Variants in TRIQK observed in about 807,000 individuals in gnomAD.
The protein encoded by TRIQK is triple QxxK/R motif containing, also known as triple QxxK/R motif-containing protein.
TRIQK carries 10 observed loss-of-function variants against 10.8 expected under a neutral mutation model. The observed-to-expected ratio is 0.92, with a 90% CI of 0.57 to 1.57. The LOEUF (loss-of-function observed/expected upper bound fraction) is 1.57, where lower values mean the gene tolerates loss of function less well. Among genes scored for constraint, TRIQK ranks in the 40% most tolerant of loss-of-function variants. The probability of loss-of-function intolerance (pLI) is 0.00; values close to 1 mark genes in which losing one functional copy is unlikely to be tolerated. For missense variants in TRIQK, 107 were observed against 97.7 expected, an observed-to-expected ratio of 1.09 and a Z score of -0.40; for synonymous variants, 33 against 33.7, an observed-to-expected ratio of 0.98 and a Z score of 0.07.
chr8:92,986,977 G>A (rs1813039711), intron 1 of TRIQK, among the ~76,000 whole-genome samples: 1 of 152,128 alleles, frequency 6.6e-6, no homozygotes, highest in African/African-American at 2.4e-5. Context: ...CCAAGTAACA[G>A]ACCTGTTTCC....
intron 2 of TRIQK, among the ~76,000 whole-genome samples, chr8:92,952,215 C>T (rs1462690091): frequency 6.6e-6 from 1 of 151,856 alleles, no homozygotes; most frequent in Non-Finnish European, 1.5e-5. Context: ...AAGTAGACAC[C>T]ATGCAACAAC....
intron 1 of TRIQK, among the ~76,000 whole-genome samples, chr8:92,977,701 C>T (rs1812947467): frequency 6.6e-6 from 1 of 152,024 alleles, no homozygotes; most frequent in African/African-American, 2.4e-5. Context: ...TGTTTTCACA[C>T]CTGGGCATTT....
intron 1 of TRIQK, among the ~76,000 whole-genome samples, chr8:92,998,797 C>CAAATAAGA (rs1326147423): frequency 6.6e-6 from 1 of 152,062 alleles, no homozygotes; most frequent in East Asian, 1.9e-4. Context: ...TGAAGTCAGA[C>CAAATAAGA]AAATAAGACA....
intron 1 of TRIQK, among the ~76,000 whole-genome samples, chr8:92,964,513 C>G (rs1245201269): frequency 6.9e-6 from 1 of 145,736 alleles, no homozygotes; most frequent in Non-Finnish European, 1.5e-5. Flanking sequence ...AGGTGTCATT[C>G]AAGACATTAC....
chr8:92,952,772 T>C (rs1023681453), intron 2 of TRIQK, among the ~76,000 whole-genome samples: 2 of 152,052 alleles, frequency 1.3e-5, no homozygotes, highest in African/African-American at 2.4e-5. Context: ...CCTTTCCCTC[T>C]GGATAGAAGG....
intron 4 of TRIQK, among the ~76,000 whole-genome samples, chr8:92,887,595 C>T (rs1816555852): frequency 6.6e-6 from 1 of 151,304 alleles, no homozygotes; most frequent in African/African-American, 2.4e-5. Context: ...AAATAGAATG[C>T]CAGTTCAGTA....
intron 2 of TRIQK, among the ~76,000 whole-genome samples, chr8:92,924,999 A>G (rs1296292023): frequency 6.6e-6 from 1 of 152,090 alleles, no homozygotes; most frequent in Non-Finnish European, 1.5e-5. Flanking sequence ...GATTTCTAAA[A>G]TCCTGATCAC....
At chr8:92,911,888 T>C (rs983155598) in intron 3 of TRIQK, among the ~76,000 whole-genome samples, 1 of 141,782 alleles carries the variant, frequency 7.1e-6, no homozygotes, top group Admixed American at 7.1e-5. Flanking sequence ...TATATATGTA[T>C]ATGTGTGTGT....
chr8:92,982,644 T>C (rs1275380860), intron 1 of TRIQK, among the ~76,000 whole-genome samples: 1 of 152,048 alleles, frequency 6.6e-6, no homozygotes, highest in African/African-American at 2.4e-5. Flanking sequence ...AATGGTTGAA[T>C]AGATTAAGAA....
In TRIQK at chr8:92,943,836, C is replaced by T. The variant is rs368057006; in HGVS notation, c.-22+10570G>A. Among the ~76,000 whole-genome samples, 36 of 152,022 alleles carry T rather than the reference C, an allele frequency of 2.4e-4. No homozygotes were observed. The South Asian group carries it at 2.5e-3, about 11-fold the overall frequency. On this transcript the variant is annotated intron_variant, in intron 2 of 4. Coordinates refer to ENST00000521988, the MANE Select transcript of TRIQK (RefSeq NM_001171797.2). ...ACAGGCAACAAAAGCAAAAAATAGA[C>T]GAATGGGATTCTGCTAGAAGCTTTT...
At chr8:92,936,578 A>G (rs556210469) in intron 2 of TRIQK, among the ~76,000 whole-genome samples, 1 of 151,864 alleles carries the variant, frequency 6.6e-6, no homozygotes, top group South Asian at 2.1e-4. Flanking sequence ...TATCCTAAAT[A>G]GAGAAAAATT....
chr8:92,936,923 T>A (rs1418283247), intron 2 of TRIQK, among the ~76,000 whole-genome samples: 1 of 151,828 alleles, frequency 6.6e-6, no homozygotes, highest in Non-Finnish European at 1.5e-5. Flanking sequence ...CTTATTGAAC[T>A]GTTATAGGAG....
In TRIQK at chr8:92,885,132, A is replaced by G. The variant is rs995594215; in HGVS notation, c.*1490T>C. On this transcript the variant is annotated 3_prime_UTR_variant, in exon 5 of 5. Transcript: ENST00000521988. ...TTTTGCCCTCAGATGTTTGGCATAAATGATTTGTGAGGATATTGGAACCTT... is the reference window on the plus strand; with the variant it reads ...TTTTGCCCTCAGATGTTTGGCATAAGTGATTTGTGAGGATATTGGAACCTT... 2 of 408,674 alleles carry G rather than the reference A, an allele frequency of 4.9e-6. No individual in the cohort carries two copies. The highest frequency in any genetic ancestry group is 4.1e-5 in the African/African-American group (2 of 48,620). The allele number at this position is 408,674 out of a possible 1,614,324, so 25.3% of individuals were successfully genotyped here. A position where few individuals can be genotyped will look rare whatever the true frequency, so the allele number is the denominator to read the frequency against.
At chr8:92,914,115 TA>T (rs1809710891) in intron 3 of TRIQK, among the ~76,000 whole-genome samples, 1 of 152,144 alleles carries the variant, frequency 6.6e-6, no homozygotes, top group African/African-American at 2.4e-5. Flanking sequence ...ACTTAAGGTA[TA>T]ACAAAAAATA....
Position 92,978,697 on chromosome 8 carries a change from G to A in TRIQK, c.-180-24133C>T, listed in dbSNP as rs117290223. 3.5e-3 allele frequency among the ~76,000 whole-genome samples: 532 copies of A among 152,200 alleles called. 2 individuals are homozygous for A. Among genetic ancestry groups the A allele is most frequent in the Non-Finnish European group, 4.9e-3 (332 of 68,000 alleles). On this transcript the variant is annotated intron_variant, in intron 1 of 4. Coordinates refer to the TRIQK transcript ENST00000520686. ...TTTGTTTTTCCTTTCTCTGCTCAGA[G>A]TCAGGGCAACCACAGTCCTTTGGTG...
chr8:92,913,508 T>C (rs1236132876), intron 3 of TRIQK, among the ~76,000 whole-genome samples: 3 of 152,186 alleles, frequency 2.0e-5, no homozygotes, highest in Admixed American at 6.5e-5. Context: ...GGAACGCTTT[T>C]ACACTGTTGG....
chr8:92,908,627 T>C (rs1387090799), intron 3 of TRIQK, among the ~76,000 whole-genome samples: 1 of 152,114 alleles, frequency 6.6e-6, no homozygotes, highest in Non-Finnish European at 1.5e-5. Flanking sequence ...CATAATTCTG[T>C]CTGGGATAAA....
At chr8:92,944,723 G>C (rs956996788) in intron 2 of TRIQK, among the ~76,000 whole-genome samples, 3 of 151,782 alleles carry the variant, frequency 2.0e-5, no homozygotes, top group Non-Finnish European at 2.9e-5. Flanking sequence ...AAAGGAGGAG[G>C]GTACAGGTAA....
chr8:92,934,049 T>A (rs575056554), intron 2 of TRIQK, among the ~76,000 whole-genome samples: 1 of 152,144 alleles, frequency 6.6e-6, no homozygotes, highest in South Asian at 2.1e-4. Context: ...GTGAAAGAAA[T>A]AAAAACCTCT....
Sources: allele counts gnomAD v4.1 joint callset (sites outside exome capture counted in the v4.1 genomes callset), GRCh38; gene constraint gnomAD v4.1.1; transcripts MANE v1.5; gene names NCBI Gene and HGNC (gene_info 2026-07-23, HGNC 2026-07-21).